Variants in COBLL1 observed in about 807,000 individuals in gnomAD.
COBLL1 encodes the protein cordon-bleu protein-like 1.
COBLL1 carries 50 observed loss-of-function variants against 94.8 expected under a neutral mutation model. The ratio of observed to expected loss-of-function variants is 0.53; its 90% CI spans 0.42 to 0.67. The LOEUF is 0.67. Ranked by LOEUF, COBLL1 falls within the 30% of genes least tolerant of loss-of-function variation. The pLI is 0.00. For synonymous variants in COBLL1, 448 were observed against 473.8 expected (o/e 0.95, Z 0.71); for missense variants, 1,362 against 1,348.7 (o/e 1.01, Z -0.15).
intron 2 of COBLL1, among the ~76,000 whole-genome samples, chr2:164,813,098 GCA>G (rs1433866261): frequency 2.0e-5 from 3 of 151,834 alleles, no homozygotes; most frequent in African/African-American, 4.8e-5. Flanking sequence ...TTAGAAAGTG[GCA>G]CACACTTCTA....
chr2:164,769,668 G>A (rs1688107869), intron 2 of COBLL1, among the ~76,000 whole-genome samples: 1 of 152,098 alleles, frequency 6.6e-6, no homozygotes, highest in Non-Finnish European at 1.5e-5. Context: ...AGACCAGCCT[G>A]GGCAACATAG....
Position 164,705,119 on chromosome 2 carries a change from T to C in COBLL1, c.997-14A>G. ...TTCACAGGGACTCTGGAAAACAAAA[T>C]GACCAAATAAAATCCTACATTTAGA... On this transcript the variant is annotated splice_polypyrimidine_tract_variant and intron_variant, in intron 7 of 13. Transcript: ENST00000652658. 6.7e-7 allele frequency: 1 copy of C among 1,493,518 alleles called. No homozygotes were observed. The allele number at this position is 1,493,518 out of a possible 1,614,324, so 92.5% of individuals were successfully genotyped here.
chr2:164,815,866 A>G (rs768272619), intron 2 of COBLL1, among the ~76,000 whole-genome samples: 1 of 152,160 alleles, frequency 6.6e-6, no homozygotes, highest in Non-Finnish European at 1.5e-5. Flanking sequence ...ACTATTTGAA[A>G]GACTCAAATT....
chr2:164,790,042 G>A (rs948296709), intron 2 of COBLL1, among the ~76,000 whole-genome samples: 1 of 152,192 alleles, frequency 6.6e-6, no homozygotes, highest in Non-Finnish European at 1.5e-5. Context: ...TCAGATTCTT[G>A]AATAATGTTG....
In COBLL1 at chr2:164,694,378, T is replaced by C. The variant is rs112597395; in HGVS notation, c.3014A>G (p.Glu1005Gly). Reference protein sequence around the residue: ...RSQSFSKERTESPSASALVQP... With the variant: ...RSQSFSKERTGSPSASALVQP... ...GACCAATGCACTGGCACTAGGTGAC[T>C]CGGTGCGCTCTTTACTGAAAGACTG... The change falls in exon 12 of 14, where the codon GAG becomes GGG. Residue 1005 changes from glutamate to glycine, a missense_variant. Glu to Gly is a moderately conservative substitution (Grantham distance 98). Coordinates refer to ENST00000652658, the MANE Select transcript of COBLL1 (RefSeq NM_001365672.2). The C allele has an allele frequency of 6.2e-7, 1 of 1,614,048 alleles. No individual in the cohort carries two copies. Among genetic ancestry groups the C allele is most frequent in the Admixed American group, 1.7e-5 (1 of 59,994 alleles).
intron 2 of COBLL1, among the ~76,000 whole-genome samples, chr2:164,744,849 T>G (rs1343003794): frequency 1.3e-5 from 2 of 152,182 alleles, no homozygotes; most frequent in East Asian, 3.8e-4. Flanking sequence ...CTTAACTAAC[T>G]TATAACAGAA....
chr2:164,826,623 G>A (rs1424267736), intron 2 of COBLL1, among the ~76,000 whole-genome samples: 1 of 152,220 alleles, frequency 6.6e-6, no homozygotes, highest in Non-Finnish European at 1.5e-5. Flanking sequence ...AAGTGGCAGA[G>A]CACAGATGGA....
chr2:164,704,911 A>C (rs368868730), intron 8 of COBLL1, 41 bp downstream of exon 8: 241 of 1,502,654 alleles, frequency 1.6e-4, no homozygotes, highest in Non-Finnish European at 2.1e-4. Context: ...TATTAAACAA[A>C]ACACAATACA....
chr2:164,696,178 A>C, intron 11 of COBLL1: 1 of 151,034 alleles, frequency 6.6e-6, no homozygotes, highest in South Asian at 2.0e-4. Context: ...CAGAATAAAC[A>C]CTCCATAGAA....
intron 7 of COBLL1, among the ~76,000 whole-genome samples, chr2:164,718,721 T>C (rs1685300007): frequency 6.6e-6 from 1 of 152,150 alleles, no homozygotes; most frequent in Non-Finnish European, 1.5e-5. Context: ...AAGGTAAAGA[T>C]TATTCTGCGC....
At chr2:164,753,511 T>C (rs1032444672) in intron 2 of COBLL1, among the ~76,000 whole-genome samples, 2 of 152,130 alleles carry the variant, frequency 1.3e-5, no homozygotes, top group Non-Finnish European at 2.9e-5. Context: ...TTCTTCCAAG[T>C]ACTCTTTCAA....
At chr2:164,666,364 T>C (rs1691159010) in intron 1 of COBLL1, among the ~76,000 whole-genome samples, 1 of 152,202 alleles carries the variant, frequency 6.6e-6, no homozygotes, top group African/African-American at 2.4e-5. Flanking sequence ...AAATACTATA[T>C]TGCTAAAAAA....
At chr2:164,739,982 A>G (rs910709715) in intron 3 of COBLL1, among the ~76,000 whole-genome samples, 2 of 152,304 alleles carry the variant, frequency 1.3e-5, no homozygotes, top group East Asian at 3.9e-4. Context: ...ACTCTAAAAC[A>G]TCTTGGATCG....
At chr2:164,819,878 T>C (rs1685074727) in intron 2 of COBLL1, among the ~76,000 whole-genome samples, 1 of 151,642 alleles carries the variant, frequency 6.6e-6, no homozygotes, top group South Asian at 2.1e-4. Flanking sequence ...CAGGCTGGAG[T>C]GCAATGGCGC....
At chr2:164,667,755 G>A (rs1358585542) in intron 1 of COBLL1, among the ~76,000 whole-genome samples, 1 of 152,156 alleles carries the variant, frequency 6.6e-6, no homozygotes, top group Non-Finnish European at 1.5e-5. Context: ...ATTAGGTTTT[G>A]GCTCAAGGGT....
chr2:164,746,220 GCTGCCAA>G (rs1686850476), intron 2 of COBLL1, among the ~76,000 whole-genome samples: 1 of 152,068 alleles, frequency 6.6e-6, no homozygotes. Context: ...CTCTGCTCAA[GCTGCCAA>G]CTGGTGTCCC....
chr2:164,768,479 T>C (rs1688045991), intron 2 of COBLL1, among the ~76,000 whole-genome samples: 1 of 152,136 alleles, frequency 6.6e-6, no homozygotes, highest in Admixed American at 6.6e-5. Context: ...AGACAATTCT[T>C]TTTCTTCCAA....
At chr2:164,781,878 C>A (rs1688737674) in intron 2 of COBLL1, among the ~76,000 whole-genome samples, 1 of 152,084 alleles carries the variant, frequency 6.6e-6, no homozygotes, top group African/African-American at 2.4e-5. Context: ...GGTATTCAAA[C>A]CTCATTACTG....
rs201427085 is a variant in COBLL1, at chr2:164,695,383, G to A, written c.2009C>T (p.Pro670Leu). 1.9e-5 allele frequency: 31 copies of A among 1,613,826 alleles called. No individual in the cohort carries two copies. The East Asian group carries it at 3.1e-4, about 16-fold the overall frequency. The change falls in exon 12 of 14, where the codon CCG becomes CTG. Residue 670 changes from proline to leucine, a missense_variant. Pro to Leu is a moderately conservative substitution (Grantham distance 98, BLOSUM62 -3). Transcript: ENST00000652658. ...ACAAATTGGATCTTTTACGGTAAGC[G>A]GATCTTCTGAATGTATAATTAGGGT... Reference protein sequence around the residue: ...QGTLIIHSEDPLTVKDPICAH... With the variant: ...QGTLIIHSEDLLTVKDPICAH...
Sources: gnomAD v4.1 joint callset for allele counts (sites outside exome capture counted in the v4.1 genomes callset) on GRCh38, gnomAD v4.1.1 for gene constraint, MANE v1.5 for transcripts, NCBI Gene and HGNC (gene_info 2026-07-23, HGNC 2026-07-21) for gene names.